ILKAP: variants seen among roughly 807,000 people sequenced by gnomAD.
ILKAP encodes integrin-linked kinase-associated serine/threonine phosphatase 2C.
Under a neutral mutation model 49.1 loss-of-function variants are expected in ILKAP, and 11 were observed. The ratio of observed to expected loss-of-function variants is 0.22; its 90% CI spans 0.14 to 0.37. The LOEUF is 0.37. Ranked by LOEUF, ILKAP falls within the 10% of genes least tolerant of loss-of-function variation. ILKAP has a pLI of 1.00. For missense variants in ILKAP, 363 were observed against 510.8 expected (o/e 0.71, Z 2.79); for synonymous variants, 186 against 192.8 (o/e 0.96, Z 0.29).
chr2:238,199,899 G>A (rs768607268), intron 1 of ILKAP, among the ~76,000 whole-genome samples: 4 of 151,770 alleles, frequency 2.6e-5, no homozygotes, highest in East Asian at 1.9e-4. Context: ...ACAAGTATGC[G>A]CCATCGAGCC....
chr2:238,189,642 T>C (rs1694041774), intron 4 of ILKAP: 4 of 389,960 alleles, frequency 1.0e-5, no homozygotes, highest in African/African-American at 8.4e-5. Context: ...AGGTTTCCTA[T>C]CTGATCAAAG....
chr2:238,188,109 C>G, intron 5 of ILKAP, 22 bp downstream of exon 5: 1 of 1,612,240 alleles, frequency 6.2e-7, no homozygotes, highest in Non-Finnish European at 8.5e-7. Flanking sequence ...GCCAGCCGGG[C>G]TTCCTACCAC....
chr2:238,172,436 C>G (rs1693264982), intron 10 of ILKAP, among the ~76,000 whole-genome samples: 1 of 152,182 alleles, frequency 6.6e-6, no homozygotes. Flanking sequence ...GGGCCTAGTC[C>G]TGGCAGGCTC....
At chr2:238,189,246 C>T (rs1488907013) in intron 4 of ILKAP, among the ~76,000 whole-genome samples, 4 of 151,838 alleles carry the variant, frequency 2.6e-5, no homozygotes, top group South Asian at 2.1e-4. Flanking sequence ...ACCCGGGAGG[C>T]GGAGCTTGCA....
At chr2:238,188,497 G>A (rs1044744666) in intron 4 of ILKAP, 10 of 434,786 alleles carry the variant, frequency 2.3e-5, no homozygotes, top group East Asian at 2.0e-4. Flanking sequence ...AGAGGAGTCA[G>A]TGAGCACAAA....
At chr2:238,174,852 G>GT (rs111639202) in intron 9 of ILKAP, among the ~76,000 whole-genome samples, 20,960 of 152,206 alleles carry the variant, frequency 0.14, 1,727 homozygotes, top group Middle Eastern at 0.22. Context: ...AGCTCACAGT[G>GT]TAAGTACTAT....
In ILKAP at chr2:238,202,189, G is replaced by A. The variant is rs1470542038; in HGVS notation, c.55+1310C>T. ...GCTCAGATCTCACCATTGCACTCCA[G>A]CCTGGGCGACAAGAGTGAGACTCCG... On this transcript the variant is annotated intron_variant, in intron 1 of 11. Transcript: ENST00000254654. Among the ~76,000 whole-genome samples the A allele has an allele frequency of 6.6e-5, 10 of 152,222 alleles. No homozygotes were observed. In the East Asian group the frequency reaches 1.9e-3, roughly 29 times the overall value.
intron 1 of ILKAP, among the ~76,000 whole-genome samples, chr2:238,202,450 T>C (rs1694608238): frequency 6.6e-6 from 1 of 152,064 alleles, no homozygotes; most frequent in Non-Finnish European, 1.5e-5. Flanking sequence ...GGCTGGGCCT[T>C]ACTCACCTCC....
intron 10 of ILKAP, among the ~76,000 whole-genome samples, chr2:238,172,620 C>T (rs1392758704): frequency 6.6e-6 from 1 of 152,228 alleles, no homozygotes; most frequent in Non-Finnish European, 1.5e-5. Flanking sequence ...GAGAACATGA[C>T]AAACACACTG....
chr2:238,191,735 C>A (rs1275791592), intron 3 of ILKAP, among the ~76,000 whole-genome samples: 2 of 151,814 alleles, frequency 1.3e-5, no homozygotes, highest in Non-Finnish European at 2.9e-5. Context: ...TGGCGAAACC[C>A]GGTCTCTAAT....
chr2:238,174,554 G>A lies in ILKAP; in HGVS notation c.837-901C>T, dbSNP rs142274395. 2.8e-3 allele frequency among the ~76,000 whole-genome samples: 420 copies of A among 152,340 alleles called. 1 individual carries two copies. The highest frequency in any genetic ancestry group is 9.0e-3 in the African/African-American group (375 of 41,580). On this transcript the variant is annotated intron_variant, in intron 9 of 11. Coordinates refer to ENST00000254654, the MANE Select transcript of ILKAP (RefSeq NM_030768.3). ...ACCAAGCAAGTTCAGGAGATGCGGT[G>A]CAGATGGCTGCACATGGTAGGAAAT... is the stretch of plus-strand genomic sequence containing the variant.
At chr2:238,180,716 T>A (rs1039954872) in intron 9 of ILKAP, among the ~76,000 whole-genome samples, 1 of 152,198 alleles carries the variant, frequency 6.6e-6, no homozygotes, top group African/African-American at 2.4e-5. Context: ...CACTGTCAAA[T>A]GATTTCTCTA....
intron 7 of ILKAP, 89 bp downstream of exon 7, chr2:238,183,929 CAA>C: frequency 1.0e-6 from 1 of 995,538 alleles, no homozygotes; most frequent in Non-Finnish European, 1.6e-6. Flanking sequence ...AGACAGTGAG[CAA>C]TAGTGTTAAA....
At chr2:238,189,800 G>C (rs1694046892) in intron 4 of ILKAP, 53 bp downstream of exon 4, 4 of 1,563,428 alleles carry the variant, frequency 2.6e-6, no homozygotes, top group South Asian at 1.1e-5. Flanking sequence ...TTTTGCTCTG[G>C]GTTGTTTTAA....
At chr2:238,170,759 G>C (rs964759090) in intron 11 of ILKAP, 83 bp from the exon 12 acceptor site, 55 of 1,593,200 alleles carry the variant, frequency 3.5e-5, no homozygotes, top group African/African-American at 2.1e-4. Flanking sequence ...AGGAAGAAGA[G>C]CTGCTCTGGT....
chr2:238,186,617 T>C (rs1048241962), intron 5 of ILKAP: 27 of 152,216 alleles, frequency 1.8e-4, no homozygotes, highest in African/African-American at 4.8e-4. Flanking sequence ...TTTTAAAACC[T>C]ATCTTACTAC....
chr2:238,203,456 C>T, intron 1 of ILKAP, 43 bp downstream of exon 1: 2 of 1,185,280 alleles, frequency 1.7e-6, no homozygotes, highest in South Asian at 2.1e-5. Flanking sequence ...CCCATCCCGC[C>T]TGCTCTCCCT....
chr2:238,170,758 A>T, intron 11 of ILKAP, 82 bp from the exon 12 acceptor site: 2 of 1,595,968 alleles, frequency 1.3e-6, no homozygotes, highest in South Asian at 2.2e-5. Context: ...CAGGAAGAAG[A>T]GCTGCTCTGG....
chr2:238,202,286 T>C (rs1332236657), intron 1 of ILKAP, among the ~76,000 whole-genome samples: 1 of 152,034 alleles, frequency 6.6e-6, no homozygotes, highest in Admixed American at 6.6e-5. Flanking sequence ...TGAACATCCT[T>C]GGAAGCTCAA....
Sources: allele counts gnomAD v4.1 joint callset (sites outside exome capture counted in the v4.1 genomes callset), GRCh38; gene constraint gnomAD v4.1.1; transcripts MANE v1.5; gene names NCBI Gene and HGNC (gene_info 2026-07-23, HGNC 2026-07-21).